Variants in HCN1 observed in about 807,000 individuals in gnomAD.
The protein encoded by HCN1 is hyperpolarization activated cyclic nucleotide gated potassium channel 1.
A neutral mutation model predicts 78.9 loss-of-function variants in HCN1; 13 were observed. The observed-to-expected ratio is 0.16, with a 90% CI of 0.11 to 0.26. HCN1 has a LOEUF of 0.26. Ranked by LOEUF, HCN1 falls within the 10% of genes least tolerant of loss-of-function variation. The pLI is 1.00. For synonymous variants in HCN1, 552 were observed against 455.5 expected (o/e 1.21, Z -2.70); for missense variants, 810 against 1,154.3 (o/e 0.70, Z 4.32).
At chr5:45,505,495 G>T (rs1579937388) in intron 2 of HCN1, among the ~76,000 whole-genome samples, 1 of 152,132 alleles carries the variant, frequency 6.6e-6, no homozygotes, top group Non-Finnish European at 1.5e-5. Flanking sequence ...TGCCGTTTTG[G>T]TTGCTGTAGC....
intron 2 of HCN1, among the ~76,000 whole-genome samples, chr5:45,554,665 A>G (rs985119945): frequency 3.3e-5 from 5 of 151,786 alleles, no homozygotes; most frequent in Non-Finnish European, 5.9e-5. Flanking sequence ...GATAATACTT[A>G]AGGCAAGCAG....
intron 1 of HCN1, among the ~76,000 whole-genome samples, chr5:45,689,580 T>TA (rs1299847495): frequency 4.6e-5 from 7 of 152,068 alleles, no homozygotes; most frequent in African/African-American, 1.7e-4. Flanking sequence ...AGCTTGGGGG[T>TA]AATGTCACAT....
chr5:45,504,525 G>A (rs771759476), intron 2 of HCN1, among the ~76,000 whole-genome samples: 2 of 152,122 alleles, frequency 1.3e-5, no homozygotes, highest in Non-Finnish European at 2.9e-5. Flanking sequence ...TTGGTGCCAA[G>A]TCTTTGCTAC....
chr5:45,514,037 C>T (rs1248916014), intron 2 of HCN1, among the ~76,000 whole-genome samples: 1 of 152,038 alleles, frequency 6.6e-6, no homozygotes, highest in African/African-American at 2.4e-5. Flanking sequence ...TAATTTTTCC[C>T]TGAAAGTTAT....
intron 2 of HCN1, among the ~76,000 whole-genome samples, chr5:45,475,672 GT>G (rs1741497809): frequency 6.6e-6 from 1 of 151,972 alleles, no homozygotes; most frequent in African/African-American, 2.4e-5. Context: ...TCACTGTCAT[GT>G]TTTCTGCTAA....
intron 2 of HCN1, among the ~76,000 whole-genome samples, chr5:45,509,640 A>G (rs527276475): frequency 6.6e-6 from 1 of 152,288 alleles, no homozygotes; most frequent in African/African-American, 2.4e-5. Flanking sequence ...ATTTTCAACT[A>G]GGAGAGACTG....
At chr5:45,315,824 TA>T (rs1357332563) in intron 5 of HCN1, among the ~76,000 whole-genome samples, 1 of 152,120 alleles carries the variant, frequency 6.6e-6, no homozygotes, top group East Asian at 1.9e-4. Flanking sequence ...AAGAAATGGA[TA>T]AATTCCTGGA....
intron 4 of HCN1, among the ~76,000 whole-genome samples, chr5:45,371,645 T>C (rs1370832797): frequency 6.7e-6 from 1 of 150,184 alleles, no homozygotes; most frequent in Non-Finnish European, 1.5e-5. Context: ...TAATCCCAGC[T>C]ACTCGTGAGG....
At chr5:45,616,000 A>G (rs1472477815) in intron 2 of HCN1, among the ~76,000 whole-genome samples, 6 of 151,812 alleles carry the variant, frequency 4.0e-5, no homozygotes, top group Middle Eastern at 3.2e-3. Context: ...ATGCTAAATA[A>G]TTTTACATAC....
At chr5:45,521,044 A>G (rs1337206910) in intron 2 of HCN1, among the ~76,000 whole-genome samples, 1 of 151,784 alleles carries the variant, frequency 6.6e-6, no homozygotes, top group Non-Finnish European at 1.5e-5. Context: ...GGCCTGGGAA[A>G]GATTTAGTAA....
chr5:45,489,545 G>A (rs1439946708), intron 2 of HCN1, among the ~76,000 whole-genome samples: 3 of 152,120 alleles, frequency 2.0e-5, no homozygotes, highest in Non-Finnish European at 2.9e-5. Context: ...TCTAATTCAT[G>A]ACAATAAAGT....
intron 2 of HCN1, among the ~76,000 whole-genome samples, chr5:45,499,690 T>C (rs1742149604): frequency 6.6e-6 from 1 of 152,208 alleles, no homozygotes; most frequent in African/African-American, 2.4e-5. Flanking sequence ...GTAAAATTAA[T>C]GATTGGATAA....
chr5:45,693,910 C>A (rs1342623945), intron 1 of HCN1, among the ~76,000 whole-genome samples: 1 of 152,012 alleles, frequency 6.6e-6, no homozygotes, highest in East Asian at 1.9e-4. Flanking sequence ...TCTGGAAATA[C>A]CACATTTATT....
intron 5 of HCN1, among the ~76,000 whole-genome samples, chr5:45,312,293 T>C (rs1219260477): frequency 1.3e-5 from 2 of 152,202 alleles, no homozygotes; most frequent in Non-Finnish European, 2.9e-5. Flanking sequence ...AACAGCATAA[T>C]ACAAGAATGA....
At chr5:45,648,493 T>C (rs1421960017) in intron 1 of HCN1, among the ~76,000 whole-genome samples, 1 of 152,152 alleles carries the variant, frequency 6.6e-6, no homozygotes, top group East Asian at 1.9e-4. Flanking sequence ...CAGGTGCTTT[T>C]ATATGCTTAC....
At chr5:45,513,879 T>A (rs1742467390) in intron 2 of HCN1, among the ~76,000 whole-genome samples, 1 of 152,120 alleles carries the variant, frequency 6.6e-6, no homozygotes. Context: ...TACATGAAAT[T>A]TAGAAATTTG....
intron 2 of HCN1, among the ~76,000 whole-genome samples, chr5:45,600,280 T>C (rs753601745): frequency 5.9e-5 from 9 of 152,014 alleles, no homozygotes; most frequent in Non-Finnish European, 1.2e-4. Context: ...CTGAGTAAAA[T>C]ATTTGATTAA....
intron 5 of HCN1, among the ~76,000 whole-genome samples, chr5:45,313,881 C>A (rs1480580330): frequency 6.6e-6 from 1 of 152,146 alleles, no homozygotes; most frequent in African/African-American, 2.4e-5. Context: ...AAGACCAAAT[C>A]TACATCTGAT....
At chr5:45,425,537 G>T (rs2112071665) in intron 3 of HCN1, among the ~76,000 whole-genome samples, 1 of 152,298 alleles carries the variant, frequency 6.6e-6, no homozygotes, top group Admixed American at 6.5e-5. Flanking sequence ...GGATGGTAGT[G>T]ATCGAAAGAG....
Sources: allele counts gnomAD v4.1 joint callset (sites outside exome capture counted in the v4.1 genomes callset), GRCh38; gene constraint gnomAD v4.1.1; transcripts MANE v1.5; gene names NCBI Gene and HGNC (gene_info 2026-07-23, HGNC 2026-07-21).